TMEM38A: variants seen among roughly 807,000 people sequenced by gnomAD.
TMEM38A encodes the protein trimeric intracellular cation channel type A.
In TMEM38A, 17 loss-of-function variants were observed where a neutral mutation model predicts 28.6. The observed-to-expected ratio is 0.60, with a 90% CI of 0.41 to 0.89. The LOEUF is 0.89. Among genes scored for constraint, TMEM38A ranks in the 40% least tolerant of loss-of-function variants. The probability of loss-of-function intolerance (pLI) is 0.00; values close to 1 mark genes in which losing one functional copy is unlikely to be tolerated. For synonymous variants in TMEM38A, 169 were observed against 166.1 expected (o/e 1.02, Z -0.14); for missense variants, 328 against 393.1 (o/e 0.83, Z 1.40).
At chr19:16,677,848 G>T (rs926673968) in intron 1 of TMEM38A, among the ~76,000 whole-genome samples, 2 of 152,048 alleles carry the variant, frequency 1.3e-5, no homozygotes, top group African/African-American at 4.8e-5. Flanking sequence ...GTGAGCCACC[G>T]TGCCCAGCCC....
intron 1 of TMEM38A, among the ~76,000 whole-genome samples, chr19:16,664,825 A>G (rs2086696283): frequency 6.6e-6 from 1 of 152,084 alleles, no homozygotes; most frequent in Admixed American, 6.6e-5. Flanking sequence ...ACCGCCCTCC[A>G]GCCTGGGCAA....
chr19:16,663,690 G>A (rs559184946), intron 1 of TMEM38A, among the ~76,000 whole-genome samples: 68 of 151,012 alleles, frequency 4.5e-4, no homozygotes, highest in Admixed American at 9.9e-4. Flanking sequence ...CACCATGCCC[G>A]GCTAATTTTT....
rs1488913757 is a variant in TMEM38A at position 16,665,813 on chromosome 19, T to C, written c.124+4472T>C. Reference sequence around the variant, plus strand: ...TACTTTTCTGTTTCTTTTCTTTTCCTTTTTTTTTTTTTTGAGATGCAGTCT... The same window carrying C: ...TACTTTTCTGTTTCTTTTCTTTTCCCTTTTTTTTTTTTTGAGATGCAGTCT... On this transcript the variant is annotated intron_variant, in intron 1 of 5. Coordinates refer to ENST00000187762, the MANE Select transcript of TMEM38A (RefSeq NM_024074.4). Among the ~76,000 whole-genome samples the C allele has an allele frequency of 1.3e-4, 15 of 118,620 alleles. No homozygotes were observed. In the East Asian group the frequency reaches 3.0e-3, roughly 23 times the overall value. 77.8% of individuals were successfully genotyped at this position (118,620 alleles called of 152,430 possible). A position where few individuals can be genotyped will look rare whatever the true frequency, so the allele number is the denominator to read the frequency against.
chr19:16,675,527 CCTGG>C (rs1395976918), intron 1 of TMEM38A, among the ~76,000 whole-genome samples: 1 of 147,164 alleles, frequency 6.8e-6, no homozygotes, highest in Non-Finnish European at 1.5e-5. Flanking sequence ...AGTCACCACG[CCTGG>C]CCTCTCTTGA....
At chr19:16,677,921 GC>G (rs2086759421) in intron 1 of TMEM38A, among the ~76,000 whole-genome samples, 1 of 152,094 alleles carries the variant, frequency 6.6e-6, no homozygotes, top group Non-Finnish European at 1.5e-5. Flanking sequence ...TGCTCAATAA[GC>G]CACACAAAAC....
At chr19:16,672,640 G>A (rs1264890884) in intron 1 of TMEM38A, among the ~76,000 whole-genome samples, 1 of 151,752 alleles carries the variant, frequency 6.6e-6, no homozygotes, top group African/African-American at 2.4e-5. Context: ...GTAGAGATGG[G>A]GGTTTCACCA....
chr19:16,669,105 C>T (rs2086715854), intron 1 of TMEM38A, among the ~76,000 whole-genome samples: 2 of 152,112 alleles, frequency 1.3e-5, no homozygotes, highest in South Asian at 2.1e-4. Context: ...GTTGGGATTA[C>T]AGGCGTGAGC....
In TMEM38A at chr19:16,661,966, G is replaced by T. The variant is rs1382035169; in HGVS notation, c.124+625G>T. Among the ~76,000 whole-genome samples the T allele has an allele frequency of 6.6e-6, 1 of 152,048 alleles. No homozygotes were observed. Among genetic ancestry groups the T allele is most frequent in the Non-Finnish European group, 1.5e-5 (1 of 68,020 alleles). ...CGGAGCAGAACCGGCCCCAAGGCTG[G>T]GTGACTTGGGGTCAGTGTCCTCCAT... On this transcript the variant is annotated intron_variant, in intron 1 of 5. Transcript: ENST00000187762. The surrounding 1 kb of genome is among the most constrained non-coding windows in gnomAD (Gnocchi z 6.5).
intron 5 of TMEM38A, 79 bp downstream of exon 5, chr19:16,686,484 G>C: frequency 2.6e-6 from 3 of 1,173,240 alleles, no homozygotes; most frequent in Non-Finnish European, 3.8e-6. Flanking sequence ...TGGGGAAATT[G>C]GACACTCCCA....
chr19:16,665,681 G>C (rs1454541692), intron 1 of TMEM38A, among the ~76,000 whole-genome samples: 1 of 152,104 alleles, frequency 6.6e-6, no homozygotes, highest in Admixed American at 6.6e-5. Flanking sequence ...TGAGAATTTT[G>C]TCAGGGATAA....
chr19:16,673,486 C>A (rs1049555552), intron 1 of TMEM38A, among the ~76,000 whole-genome samples: 6 of 152,200 alleles, frequency 3.9e-5, no homozygotes, highest in African/African-American at 1.4e-4. Flanking sequence ...ATCAGTGAAA[C>A]ATCTTCCTTC....
chr19:16,676,789 C>T (rs1349482291), intron 1 of TMEM38A, among the ~76,000 whole-genome samples: 2 of 120,398 alleles, frequency 1.7e-5, no homozygotes, highest in South Asian at 2.6e-4. Flanking sequence ...GAGGTAGTCT[C>T]GCTGTTGTTG....
intron 1 of TMEM38A, among the ~76,000 whole-genome samples, chr19:16,673,733 G>GCT (rs2086737478): frequency 1.3e-5 from 2 of 152,112 alleles, no homozygotes; most frequent in Non-Finnish European, 2.9e-5. Context: ...ACAGAGTAGA[G>GCT]TGCACTACAC....
chr19:16,685,207 C>G (rs531724724), intron 4 of TMEM38A, among the ~76,000 whole-genome samples: 1 of 151,766 alleles, frequency 6.6e-6, no homozygotes, highest in Non-Finnish European at 1.5e-5. Context: ...GCCGACATGG[C>G]GAAACCCCAT....
At chr19:16,663,655 A>G (rs2086691799) in intron 1 of TMEM38A, among the ~76,000 whole-genome samples, 2 of 150,754 alleles carry the variant, frequency 1.3e-5, no homozygotes. Flanking sequence ...CAGCCTCCCA[A>G]GTAGCTGGGA....
At chr19:16,678,298 G>T (rs1036774495) in intron 1 of TMEM38A, among the ~76,000 whole-genome samples, 2 of 151,978 alleles carry the variant, frequency 1.3e-5, no homozygotes, top group Non-Finnish European at 2.9e-5. Flanking sequence ...GCGTGGTGGC[G>T]CATGCCTGTA....
chr19:16,672,446 ATTTT>A (rs746189021), intron 1 of TMEM38A, among the ~76,000 whole-genome samples: 3 of 104,990 alleles, frequency 2.9e-5, no homozygotes, highest in African/African-American at 1.3e-4. Context: ...AAAAAACCTC[ATTTT>A]TTTTTTTTTT....
intron 4 of TMEM38A, among the ~76,000 whole-genome samples, chr19:16,685,943 A>T (rs1389527482): frequency 6.6e-6 from 1 of 152,194 alleles, no homozygotes; most frequent in Non-Finnish European, 1.5e-5. Context: ...CGAGCAGATC[A>T]CTTGAGGCCA....
Position 16,661,415 on chromosome 19 carries a change from AG to A in TMEM38A, c.124+78del. On this transcript the variant is annotated intron_variant, in intron 1 of 5. Coordinates refer to ENST00000187762, the MANE Select transcript of TMEM38A (RefSeq NM_024074.4). This position sits in a 1 kb window ranked among gnomAD's most constrained non-coding sequence, Gnocchi z 6.5. ...CCGGGGCAGCTCGGGGGTCGCAGAG[AG>A]GGGAAGCCCGTGCGTGGTGGAGGGA... is the stretch of plus-strand genomic sequence containing the variant. 1 of 1,317,962 alleles carries A rather than the reference AG, an allele frequency of 7.6e-7. No homozygotes were observed. Among genetic ancestry groups the A allele is most frequent in the Non-Finnish European group, 1.0e-6 (1 of 983,270 alleles). The allele number at this position is 1,317,962 out of a possible 1,614,324, so 81.6% of individuals were successfully genotyped here.
Sources: allele counts gnomAD v4.1 joint callset (sites outside exome capture counted in the v4.1 genomes callset), GRCh38; gene constraint gnomAD v4.1.1; non-coding constraint Gnocchi (gnomAD v3.1); transcripts MANE v1.5; gene names NCBI Gene and HGNC (gene_info 2026-07-23, HGNC 2026-07-21).